Variants in TENM2 observed in about 807,000 individuals in gnomAD.
The protein encoded by TENM2 is teneurin transmembrane protein 2.
A neutral mutation model predicts 245.2 loss-of-function variants in TENM2; 52 were observed. The ratio of observed to expected loss-of-function variants is 0.21; its 90% CI spans 0.17 to 0.27. TENM2 has a LOEUF of 0.27. Ranked by LOEUF, TENM2 falls within the 10% of genes least tolerant of loss-of-function variation. The probability of loss-of-function intolerance (pLI) is 1.00; values close to 1 mark genes in which losing one functional copy is unlikely to be tolerated. For synonymous variants in TENM2, 1,363 were observed against 1,438.9 expected (o/e 0.95, Z 1.19); for missense variants, 3,046 against 3,666.8 (o/e 0.83, Z 4.37).
At chr5:168,021,755 C>T (rs545511187) in intron 5 of TENM2, among the ~76,000 whole-genome samples, 40 of 150,664 alleles carry the variant, frequency 2.7e-4, no homozygotes, top group Middle Eastern at 6.8e-3. Flanking sequence ...AAGAAACAGA[C>T]TGTCCTACAT....
chr5:167,656,157 A>G (rs1452793411), intron 2 of TENM2, among the ~76,000 whole-genome samples: 1 of 152,146 alleles, frequency 6.6e-6, no homozygotes, highest in African/African-American at 2.4e-5. Context: ...TTAACACTCT[A>G]ACAAGGTACA....
the TENM2 span, among the ~76,000 whole-genome samples, chr5:167,229,318 C>T: frequency 6.6e-6 from 1 of 152,184 alleles, no homozygotes; most frequent in Non-Finnish European, 1.5e-5. Context: ...CATACACTGG[C>T]ACCAATTTAG....
chr5:167,067,829 C>A, the TENM2 span, among the ~76,000 whole-genome samples: 1 of 152,148 alleles, frequency 6.6e-6, no homozygotes, highest in Non-Finnish European at 1.5e-5. Context: ...AAATATTTTT[C>A]TCCCAGCCCT....
the TENM2 span, among the ~76,000 whole-genome samples, chr5:167,151,095 TCTC>T: frequency 6.6e-6 from 1 of 152,160 alleles, no homozygotes; most frequent in Non-Finnish European, 1.5e-5. Flanking sequence ...TTATTAAACC[TCTC>T]CTCCAGTCGA....
chr5:167,314,372 A>G (rs1388603695), intron 1 of TENM2, among the ~76,000 whole-genome samples: 3 of 152,196 alleles, frequency 2.0e-5, no homozygotes, highest in Non-Finnish European at 2.9e-5. Flanking sequence ...CACAACTGCA[A>G]TGCTGTGTCT....
intron 1 of TENM2, among the ~76,000 whole-genome samples, chr5:167,324,544 G>A (rs1022895129): frequency 1.3e-5 from 2 of 152,046 alleles, no homozygotes; most frequent in African/African-American, 4.8e-5. Context: ...AAATGTGAGA[G>A]TGTGTGTAAT....
intron 4 of TENM2, among the ~76,000 whole-genome samples, chr5:167,970,535 C>T (rs1422931): frequency 0.34 from 51,469 of 151,908 alleles, 10,623 homozygotes; most frequent in East Asian, 0.67. Context: ...TGAATGACTT[C>T]GAAGAACTTT....
chr5:168,036,695 ATATATGTATGTG>A (rs1288171317), intron 5 of TENM2, among the ~76,000 whole-genome samples: 127 of 110,964 alleles, frequency 1.1e-3, no homozygotes, highest in African/African-American at 1.4e-3. Context: ...ATATATATAT[ATATATGTATGTG>A]TATATATATG....
chr5:168,176,881 T>C (rs1349399540), intron 13 of TENM2, among the ~76,000 whole-genome samples: 1 of 152,230 alleles, frequency 6.6e-6, no homozygotes, highest in Admixed American at 6.5e-5. Flanking sequence ...ACCGCTGATA[T>C]CGTTTTATCA....
At chr5:167,909,612 T>C (rs1390453314) in intron 3 of TENM2, among the ~76,000 whole-genome samples, 1 of 152,172 alleles carries the variant, frequency 6.6e-6, no homozygotes, top group East Asian at 1.9e-4. Context: ...TATTTAACAA[T>C]CAATCATCAA....
chr5:167,578,555 G>A (rs567301948), intron 2 of TENM2, among the ~76,000 whole-genome samples: 4 of 152,278 alleles, frequency 2.6e-5, no homozygotes, highest in South Asian at 2.1e-4. Context: ...GATCAGACCC[G>A]TGGTTTAGAA....
the TENM2 span, among the ~76,000 whole-genome samples, chr5:167,075,000 G>A: frequency 8.5e-5 from 13 of 152,086 alleles, no homozygotes; most frequent in East Asian, 3.9e-4. Flanking sequence ...ACTTGCTGTC[G>A]TAGAAGCTTG....
At chr5:167,327,917 A>C (rs1168100270) in intron 1 of TENM2, among the ~76,000 whole-genome samples, 1 of 152,124 alleles carries the variant, frequency 6.6e-6, no homozygotes, top group Non-Finnish European at 1.5e-5. Flanking sequence ...ATAAGAGATG[A>C]TGTTTGTGAT....
chr5:167,980,306 A>G (rs1412504779), intron 4 of TENM2, among the ~76,000 whole-genome samples: 1 of 152,214 alleles, frequency 6.6e-6, no homozygotes, highest in Non-Finnish European at 1.5e-5. Flanking sequence ...AACCTTGGAC[A>G]AGGTAGGATG....
chr5:167,386,470 G>A (rs997335309), intron 2 of TENM2, among the ~76,000 whole-genome samples: 1 of 152,082 alleles, frequency 6.6e-6, no homozygotes. Flanking sequence ...TGGGTTGTCT[G>A]TTTACTCTGC....
intron 10 of TENM2, among the ~76,000 whole-genome samples, chr5:168,123,667 G>A (rs1795642847): frequency 6.6e-6 from 1 of 152,232 alleles, no homozygotes; most frequent in Non-Finnish European, 1.5e-5. Context: ...TGGGCCAACA[G>A]GCCTGATTTG....
intron 27 of TENM2, among the ~76,000 whole-genome samples, chr5:168,259,793 G>A (rs962513370): frequency 3.9e-5 from 6 of 152,188 alleles, no homozygotes; most frequent in East Asian, 1.9e-4. Flanking sequence ...AACACACTGC[G>A]TGGCCTGTGA....
At chr5:167,900,732 A>G (rs1029792831) in intron 3 of TENM2, among the ~76,000 whole-genome samples, 6 of 151,938 alleles carry the variant, frequency 3.9e-5, no homozygotes, top group Non-Finnish European at 8.8e-5. Context: ...TGACCGTGGC[A>G]GAGAAAGACT....
chr5:168,261,322 C>A (rs959113762), intron 28 of TENM2, among the ~76,000 whole-genome samples: 2 of 152,194 alleles, frequency 1.3e-5, no homozygotes, highest in African/African-American at 4.8e-5. Flanking sequence ...TCCAAAACAA[C>A]TGCCTCAAAG....
Sources: allele counts gnomAD v4.1 joint callset (sites outside exome capture counted in the v4.1 genomes callset), GRCh38; gene constraint gnomAD v4.1.1; transcripts MANE v1.5; gene names NCBI Gene and HGNC (gene_info 2026-07-23, HGNC 2026-07-21).